The following EBF2 variants were observed in gnomAD, a reference collection of about 807,000 sequenced individuals.
EBF2 encodes the protein EBF transcription factor 2, also known as transcription factor COE2.
EBF2 carries 21 observed loss-of-function variants against 72.8 expected under a neutral mutation model. The ratio of observed to expected loss-of-function variants is 0.29; its 90% confidence interval spans 0.20 to 0.42. The LOEUF is 0.42. EBF2 is among the 10% of genes least tolerant of loss of function. The pLI, the probability that EBF2 is intolerant of heterozygous loss-of-function variation, is 1.00. For missense variants in EBF2, 637 were observed against 731.2 expected, an observed-to-expected ratio of 0.87 and a Z score of 1.49; for synonymous variants, 299 against 274.2, an observed-to-expected ratio of 1.09 and a Z score of -0.89.
intron 6 of EBF2, among the ~76,000 whole-genome samples, chr8:25,945,287 C>T (rs1803748549): frequency 6.6e-6 from 1 of 152,240 alleles, no homozygotes; most frequent in Middle Eastern, 3.4e-3. Context: ...TAAGCTATAT[C>T]TCCCCCATTC....
chr8:25,911,375 G>A (rs1053660084), intron 6 of EBF2, among the ~76,000 whole-genome samples: 5 of 152,146 alleles, frequency 3.3e-5, no homozygotes, highest in Admixed American at 1.3e-4. Flanking sequence ...CCTTAAGAGC[G>A]AACACTAACA....
At chr8:25,922,483 C>T (rs930645589) in intron 6 of EBF2, among the ~76,000 whole-genome samples, 2 of 152,148 alleles carry the variant, frequency 1.3e-5, no homozygotes, top group African/African-American at 4.8e-5. Flanking sequence ...GAAAAGCTTT[C>T]TTGAGAAAAA....
At chr8:25,864,501 AACACACACACACAC>A (rs72239959) in intron 10 of EBF2, among the ~76,000 whole-genome samples, 1 of 149,322 alleles carries the variant, frequency 6.7e-6, no homozygotes, top group Non-Finnish European at 1.5e-5. Flanking sequence ...GATACACACA[AACACACACACACAC>A]ACACACACAC....
intron 10 of EBF2, among the ~76,000 whole-genome samples, chr8:25,872,585 A>C (rs1223136110): frequency 6.6e-6 from 1 of 152,182 alleles, no homozygotes; most frequent in Non-Finnish European, 1.5e-5. Context: ...CAGCCCACAG[A>C]ACTAGAGGAT....
chr8:25,943,979 T>C (rs1012908900), intron 6 of EBF2, among the ~76,000 whole-genome samples: 1 of 152,256 alleles, frequency 6.6e-6, no homozygotes, highest in Non-Finnish European at 1.5e-5. Context: ...CCCAGTTGTG[T>C]CCCAGACTCG....
In EBF2 at chr8:25,858,429, C is replaced by T; in HGVS notation, c.1418G>A (p.Ser473Asn). 1 of 1,614,100 alleles carries T rather than the reference C, an allele frequency of 6.2e-7. No homozygotes were observed. Among genetic ancestry groups the T allele is most frequent in the Middle Eastern group, 1.6e-4 (1 of 6,062 alleles). The change falls in exon 14 of 16, where the codon AGT becomes AAT. Residue 473 changes from serine to asparagine, a missense_variant. Ser to Asn is a conservative substitution (Grantham distance 46). Around this residue, in one of 3 missense-constraint regions of EBF2, gnomAD observed 259 missense variants for 268.1 expected, o/e 0.97. Coordinates refer to ENST00000520164, the MANE Select transcript of EBF2 (RefSeq NM_022659.4). ...SSSTPQQSNY[S>N]TSSNSMNGYS... ...GCCATTCATACTGTTGCTGGAGGTA[C>T]TGTAATTAGACTGTTGAGGCGTGGA...
intron 10 of EBF2, among the ~76,000 whole-genome samples, chr8:25,864,891 G>A (rs1271866572): frequency 2.0e-5 from 3 of 151,034 alleles, no homozygotes; most frequent in Admixed American, 6.6e-5. Context: ...TCCACTGCCC[G>A]GGTTCAAGCG....
Position 25,887,979 on chromosome 8 carries a change from A to T in EBF2, c.752-7T>A, listed in dbSNP as rs759733253. 6.3e-7 allele frequency: 1 copy of T among 1,599,654 alleles called. No individual in the cohort carries two copies. The highest frequency in any genetic ancestry group is 8.5e-7 in the Non-Finnish European group (1 of 1,174,062). ...GCTTTGATGCAGGGGGTAGCTAAGA[A>T]GACAGGAAAGAAAAAGTCAGGTTTG... On this transcript the variant is annotated splice_polypyrimidine_tract_variant and splice_region_variant and intron_variant, in intron 8 of 15. Transcript: ENST00000520164.
chr8:25,844,475 C>G lies in EBF2; in HGVS notation c.*134G>C. 2 of 960,214 alleles carry G rather than the reference C, an allele frequency of 2.1e-6. No individual in the cohort carries two copies. The highest frequency in any genetic ancestry group is 3.2e-6 in the Non-Finnish European group (2 of 616,864). The allele number at this position is 960,214 out of a possible 1,614,324, so 59.5% of individuals were successfully genotyped here. On this transcript the variant is annotated 3_prime_UTR_variant, in exon 16 of 16. Transcript: ENST00000520164. The stretch of plus-strand genomic sequence containing the variant: ...GACGTGGGACCAAGTAAGATGCTGG[C>G]TCCTTGCAGACCCAAGGGTGTCCAT...
rs557220937 is a variant in EBF2 at position 26,044,647 on chromosome 8, G to A, written c.131+82C>T. 55 of 1,525,684 alleles carry A rather than the reference G, an allele frequency of 3.6e-5. No individual in the cohort carries two copies. The highest frequency in any genetic ancestry group is 2.3e-4 in the Middle Eastern group (1 of 4,322). The allele number at this position is 1,525,684 out of a possible 1,614,324, so 94.5% of individuals were successfully genotyped here. A position where few individuals can be genotyped will look rare whatever the true frequency, so the allele number is the denominator to read the frequency against. On this transcript the variant is annotated intron_variant, in intron 1 of 15. Transcript: ENST00000520164. This position sits in a 1 kb window ranked among gnomAD's most constrained non-coding sequence, Gnocchi z 4.1. ...GGGGGACAGGGAGAGAGAAAGGCACGGGGTGCGCGGGGGGGGTGCACACGG... is the reference window on the plus strand; with the variant it reads ...GGGGGACAGGGAGAGAGAAAGGCACAGGGTGCGCGGGGGGGGTGCACACGG...
At chr8:25,942,492 C>T (rs1444377089) in intron 6 of EBF2, among the ~76,000 whole-genome samples, 1 of 152,198 alleles carries the variant, frequency 6.6e-6, no homozygotes, top group Non-Finnish European at 1.5e-5. Flanking sequence ...TAAATGGACA[C>T]AATGTCCCCT....
chr8:26,028,121 A>G (rs982137671), intron 6 of EBF2, among the ~76,000 whole-genome samples: 8 of 152,228 alleles, frequency 5.3e-5, no homozygotes, highest in Non-Finnish European at 2.9e-5. Context: ...GGTAAATTTT[A>G]TATGTATTTT....
At chr8:25,887,729 C>T in intron 9 of EBF2, 113 bp downstream of exon 9, 2 of 1,268,750 alleles carry the variant, frequency 1.6e-6, no homozygotes, top group African/African-American at 3.0e-5. Context: ...AAACCCATGC[C>T]TGATTTACTA....
intron 6 of EBF2, among the ~76,000 whole-genome samples, chr8:25,913,566 T>A (rs1803164392): frequency 6.6e-6 from 1 of 152,190 alleles, no homozygotes; most frequent in East Asian, 1.9e-4. Context: ...GAAAACTTAG[T>A]TCCTTACTCC....
chr8:25,851,304 G>A (rs4618702), intron 14 of EBF2, among the ~76,000 whole-genome samples: 7 of 151,610 alleles, frequency 4.6e-5, no homozygotes, highest in Non-Finnish European at 1.0e-4. Context: ...ATGTAAAAGT[G>A]TATTAACATT....
At chr8:26,022,518 GT>G (rs1258065794) in intron 6 of EBF2, among the ~76,000 whole-genome samples, 1 of 152,150 alleles carries the variant, frequency 6.6e-6, no homozygotes, top group Non-Finnish European at 1.5e-5. Context: ...TGAGTCCTCT[GT>G]TTTAAAAGTC....
At chr8:25,911,764 A>G (rs1404834622) in intron 6 of EBF2, among the ~76,000 whole-genome samples, 1 of 152,230 alleles carries the variant, frequency 6.6e-6, no homozygotes, top group Admixed American at 6.5e-5. Context: ...GACTTATTGA[A>G]ACCTGAGTGG....
At chr8:25,892,483 A>T (rs1802800615) in intron 7 of EBF2, among the ~76,000 whole-genome samples, 1 of 152,238 alleles carries the variant, frequency 6.6e-6, no homozygotes, top group African/African-American at 2.4e-5. Context: ...CAAGAAGTAG[A>T]CTATTTCCAT....
At chr8:25,921,764 C>T (rs973503212) in intron 6 of EBF2, among the ~76,000 whole-genome samples, 2 of 152,162 alleles carry the variant, frequency 1.3e-5, no homozygotes, top group Non-Finnish European at 2.9e-5. Context: ...TACTTTGCTC[C>T]TAAGTAGATG....
Sources: allele counts gnomAD v4.1 joint callset (sites outside exome capture counted in the v4.1 genomes callset), GRCh38; gene constraint gnomAD v4.1.1; regional missense constraint gnomAD v4.1.1; non-coding constraint Gnocchi (gnomAD v3.1); transcripts MANE v1.5; gene names NCBI Gene and HGNC (gene_info 2026-07-23, HGNC 2026-07-21).